DAPK1: variants seen among roughly 807,000 people sequenced by gnomAD.
DAPK1 encodes death associated protein kinase 1.
A neutral mutation model predicts 144.9 loss-of-function variants in DAPK1; 56 were observed. The ratio of observed to expected loss-of-function variants is 0.39; its 90% CI spans 0.31 to 0.48. DAPK1 has a LOEUF of 0.48. DAPK1 is among the 20% of genes least tolerant of loss of function. The pLI, the probability that DAPK1 is intolerant of heterozygous loss-of-function variation, is 0.95. For missense variants in DAPK1, 1,454 were observed against 1,875.4 expected (o/e 0.78, Z 4.15); for synonymous variants, 690 against 749.0 (o/e 0.92, Z 1.29).
chr9:87,542,872 G>C (rs1587703237), intron 2 of DAPK1, among the ~76,000 whole-genome samples: 1 of 152,126 alleles, frequency 6.6e-6, no homozygotes, highest in East Asian at 1.9e-4. Flanking sequence ...ACACTCCCCA[G>C]GACAGAGTTC....
At chr9:87,661,029 G>A (rs577196830) in intron 18 of DAPK1, among the ~76,000 whole-genome samples, 15 of 152,202 alleles carry the variant, frequency 9.9e-5, no homozygotes, top group East Asian at 5.8e-4. Context: ...TAGTAGAGAC[G>A]GGGTTTCACC....
At chr9:87,658,464 G>T (rs984997480) in intron 18 of DAPK1, among the ~76,000 whole-genome samples, 2 of 152,130 alleles carry the variant, frequency 1.3e-5, no homozygotes, top group Admixed American at 1.3e-4. Context: ...CTGCCCCAGG[G>T]TGCTGGAGCC....
intron 2 of DAPK1, among the ~76,000 whole-genome samples, chr9:87,593,396 G>A (rs937652397): frequency 1.3e-5 from 2 of 152,236 alleles, no homozygotes; most frequent in Admixed American, 6.5e-5. Flanking sequence ...CTTAAATCAA[G>A]AGGAGAAACC....
In DAPK1 at chr9:87,708,278, CT is replaced by C. The variant is rs2118147724; in HGVS notation, c.*915del. 1 of 156,398 alleles carries C rather than the reference CT, an allele frequency of 6.4e-6. No homozygotes were observed. Among genetic ancestry groups the C allele is most frequent in the Non-Finnish European group, 1.4e-5 (1 of 70,598 alleles). The allele number at this position is 156,398 out of a possible 1,614,324, so 9.7% of individuals were successfully genotyped here. ...ACCTATGTAAGAATTCAGAAGACCCCTGACTCATCATTTGTGGCAGTCCCTT... is the reference window on the plus strand; with the variant it reads ...ACCTATGTAAGAATTCAGAAGACCCCGACTCATCATTTGTGGCAGTCCCTT... On this transcript the variant is annotated 3_prime_UTR_variant, in exon 26 of 26. Transcript: ENST00000408954.
At chr9:87,537,980 T>TACGGGCCCAA (rs1825918789) in intron 2 of DAPK1, among the ~76,000 whole-genome samples, 1 of 152,218 alleles carries the variant, frequency 6.6e-6, no homozygotes, top group Non-Finnish European at 1.5e-5. Flanking sequence ...ACAGTTGTTT[T>TACGGGCCCAA]ACGGGCCCAA....
At chr9:87,623,967 G>A (rs1023826680) in intron 3 of DAPK1, among the ~76,000 whole-genome samples, 4 of 152,056 alleles carry the variant, frequency 2.6e-5, no homozygotes, top group Non-Finnish European at 5.9e-5. Context: ...TTTATATGCC[G>A]GGTGTATTAT....
intron 2 of DAPK1, among the ~76,000 whole-genome samples, chr9:87,580,776 A>T (rs559210451): frequency 1.3e-5 from 2 of 152,352 alleles, no homozygotes; most frequent in South Asian, 4.1e-4. Context: ...TGTAAAGAAG[A>T]CATATACGAG....
At chr9:87,702,519 G>A (rs543896788) in intron 24 of DAPK1, among the ~76,000 whole-genome samples, 2 of 152,186 alleles carry the variant, frequency 1.3e-5, no homozygotes, top group East Asian at 3.9e-4. Flanking sequence ...ACGAGAGAGA[G>A]AGCGAGGGAA....
At chr9:87,652,528 T>G (rs1470213394) in intron 17 of DAPK1, among the ~76,000 whole-genome samples, 2 of 132,930 alleles carry the variant, frequency 1.5e-5, no homozygotes, top group African/African-American at 5.8e-5. Flanking sequence ...TCTGTGTCCA[T>G]GCCCCCGATC....
At chr9:87,528,183 A>C (rs558953409) in intron 2 of DAPK1, among the ~76,000 whole-genome samples, 12 of 151,950 alleles carry the variant, frequency 7.9e-5, no homozygotes, top group African/African-American at 2.9e-4. Context: ...TCCATTTGGA[A>C]GCTTATTGTT....
At chr9:87,499,407 G>T (rs919032106) in intron 2 of DAPK1, 5 of 463,128 alleles carry the variant, frequency 1.1e-5, no homozygotes, top group Admixed American at 3.3e-5. Flanking sequence ...TTAATTGTCC[G>T]TGCTAACTCT....
At chr9:87,566,725 G>A (rs996697198) in intron 2 of DAPK1, among the ~76,000 whole-genome samples, 1 of 152,100 alleles carries the variant, frequency 6.6e-6, no homozygotes, top group Non-Finnish European at 1.5e-5. Context: ...ACTGATGTTC[G>A]GAATGAGAAG....
intron 2 of DAPK1, among the ~76,000 whole-genome samples, chr9:87,510,973 G>GA (rs1252104589): frequency 6.6e-6 from 1 of 152,216 alleles, no homozygotes; most frequent in African/African-American, 2.4e-5. Context: ...TAACAAGACA[G>GA]AGCAGGAACG....
At chr9:87,557,873 G>A (rs1385292194) in intron 2 of DAPK1, among the ~76,000 whole-genome samples, 11 of 152,150 alleles carry the variant, frequency 7.2e-5, no homozygotes, top group Admixed American at 1.3e-4. Context: ...CCTGGGAGGC[G>A]GAGGTTGCAG....
In DAPK1 at chr9:87,639,768, TTTG is replaced by T. The variant is rs1830032328; in HGVS notation, c.603-18_603-16del. 2 of 1,613,482 alleles carry T rather than the reference TTTG, an allele frequency of 1.2e-6. No individual in the cohort carries two copies. The highest frequency in any genetic ancestry group is 3.3e-5 in the Admixed American group (2 of 60,000). On this transcript the variant is annotated intron_variant, in intron 6 of 25. Coordinates refer to ENST00000408954, the MANE Select transcript of DAPK1 (RefSeq NM_004938.4). ...ACTATTCTTCTGACATGTTTTTTTG[TTTG>T]TTTTGTGTTGTTTTTAGGAGTATCG...
At chr9:87,622,834 C>T (rs185116450) in intron 3 of DAPK1, among the ~76,000 whole-genome samples, 15 of 152,128 alleles carry the variant, frequency 9.9e-5, no homozygotes, top group Non-Finnish European at 1.8e-4. Flanking sequence ...TTGCTAGAAC[C>T]CGGGAGGTGG....
At chr9:87,561,302 G>A (rs774107867) in intron 2 of DAPK1, among the ~76,000 whole-genome samples, 7 of 152,084 alleles carry the variant, frequency 4.6e-5, no homozygotes, top group East Asian at 1.9e-4. Context: ...CAAGGCGGGC[G>A]GATCACGAGG....
In DAPK1 at chr9:87,650,123, C is replaced by T. The variant is rs1336096231; in HGVS notation, c.1626+5C>T. The T allele has an allele frequency of 4.3e-6, 7 of 1,613,872 alleles. No homozygotes were observed. Among genetic ancestry groups the T allele is most frequent in the African/African-American group, 1.3e-5 (1 of 75,008 alleles). Reference sequence around the variant, plus strand: ...GACCTTAATGCTTGCGACAAGGTGCCTTATGGGGGAAGACTCATATGCACT... The same window carrying T: ...GACCTTAATGCTTGCGACAAGGTGCTTTATGGGGGAAGACTCATATGCACT... On this transcript the variant is annotated splice_donor_5th_base_variant and intron_variant, in intron 16 of 25. Transcript: ENST00000408954.
In DAPK1 at chr9:87,647,345, A is replaced by T. The variant is rs1830303217; in HGVS notation, c.1271A>T (p.His424Leu). 2 of 1,614,218 alleles carry T rather than the reference A, an allele frequency of 1.2e-6. No homozygotes were observed. Among genetic ancestry groups the T allele is most frequent in the Non-Finnish European group, 1.7e-6 (2 of 1,180,034 alleles). Residue 424 changes from histidine (H) to leucine (L), a missense_variant, in exon 14 of 26, where the codon CAC becomes CTC. His to Leu is a moderately conservative substitution (Grantham distance 99). Transcript: ENST00000408954. ...GTCTACTGGGCTGCTCGGCATGGCCACGTCGATACCTTGAAATTTCTCAGT... is the reference window on the plus strand; with the variant it reads ...GTCTACTGGGCTGCTCGGCATGGCCTCGTCGATACCTTGAAATTTCTCAGT... ...NAVYWAARHG[H>L]VDTLKFLSEN...
Sources: gnomAD v4.1 joint callset for allele counts (sites outside exome capture counted in the v4.1 genomes callset) on GRCh38, gnomAD v4.1.1 for gene constraint, MANE v1.5 for transcripts, NCBI Gene and HGNC (gene_info 2026-07-23, HGNC 2026-07-21) for gene names.